The following PLCB1 variants were observed in gnomAD, a reference collection of about 807,000 sequenced individuals.
PLCB1 encodes 1-phosphatidylinositol 4,5-bisphosphate phosphodiesterase beta-1.
A neutral mutation model predicts 161.8 loss-of-function variants in PLCB1; 46 were observed. The observed-to-expected ratio is 0.28, with a 90% CI of 0.22 to 0.36. The LOEUF is 0.36. PLCB1 is among the 10% of genes least tolerant of loss of function. The probability of loss-of-function intolerance (pLI) is 1.00; values close to 1 mark genes in which losing one functional copy is unlikely to be tolerated. For synonymous variants in PLCB1, 517 were observed against 503.7 expected (o/e 1.03, Z -0.35); for missense variants, 1,016 against 1,472.5 (o/e 0.69, Z 5.07).
intron 3 of PLCB1, among the ~76,000 whole-genome samples, chr20:8,385,796 C>A (rs1987410404): frequency 6.6e-6 from 1 of 152,236 alleles, no homozygotes; most frequent in Admixed American, 6.5e-5. Flanking sequence ...GGTGGACCAC[C>A]ACACCACACT....
intron 3 of PLCB1, among the ~76,000 whole-genome samples, chr20:8,546,091 C>T (rs1353631808): frequency 1.2e-4 from 18 of 151,972 alleles, no homozygotes; most frequent in South Asian, 1.0e-3. Context: ...CCGAGGCGGA[C>T]GGATCACGAG....
intron 3 of PLCB1, among the ~76,000 whole-genome samples, chr20:8,419,624 T>TTAAGG (rs1979452294): frequency 6.6e-6 from 1 of 151,658 alleles, no homozygotes; most frequent in South Asian, 2.1e-4. Context: ...CTGAGCATGT[T>TTAAGG]TAAGGTGGGC....
intron 4 of PLCB1, among the ~76,000 whole-genome samples, chr20:8,632,043 T>TTTTGG (rs1332204651): frequency 1.3e-4 from 10 of 75,174 alleles, no homozygotes; most frequent in African/African-American, 4.2e-4. Context: ...TGCTTTTTTT[T>TTTTGG]TTTTTTTTTT....
At chr20:8,763,173 A>G (rs956375333) in intron 25 of PLCB1, among the ~76,000 whole-genome samples, 36 of 152,202 alleles carry the variant, frequency 2.4e-4, no homozygotes, top group African/African-American at 8.2e-4. Context: ...ACATTCTAGA[A>G]TTGATTGAAT....
intron 2 of PLCB1, among the ~76,000 whole-genome samples, chr20:8,217,373 A>G (rs1979189211): frequency 2.0e-5 from 3 of 152,108 alleles, no homozygotes; most frequent in Admixed American, 2.0e-4. Flanking sequence ...AAAACTCAAG[A>G]AGAAACCAAG....
intron 4 of PLCB1, among the ~76,000 whole-genome samples, chr20:8,629,817 T>TTTTCTTTC (rs752268619): frequency 1.8e-3 from 178 of 96,998 alleles, no homozygotes; most frequent in South Asian, 2.7e-3. Flanking sequence ...CTTTTCTTTC[T>TTTTCTTTC]TTTCTTTCTT....
intron 31 of PLCB1, among the ~76,000 whole-genome samples, chr20:8,791,484 A>G (rs1339089629): frequency 6.6e-6 from 1 of 152,222 alleles, no homozygotes; most frequent in African/African-American, 2.4e-5. Flanking sequence ...CTCAGGTGAT[A>G]TATTCAGATA....
chr20:8,186,382 G>T (rs566544029), intron 2 of PLCB1, among the ~76,000 whole-genome samples: 1 of 152,234 alleles, frequency 6.6e-6, no homozygotes, highest in East Asian at 1.9e-4. Flanking sequence ...CCTTGAAATT[G>T]ATGTTAATTG....
At position 8,658,589 on chromosome 20, in the gene PLCB1, C is replaced by G; in HGVS notation, c.747C>G (p.Ile249Met). The G allele has an allele frequency of 6.2e-7, 1 of 1,612,558 alleles. No individual in the cohort carries two copies. Among genetic ancestry groups the G allele is most frequent in the Non-Finnish European group, 8.5e-7 (1 of 1,179,196 alleles). Residue 249 changes from isoleucine (I) to methionine (M), a missense_variant, in exon 9 of 32, where the codon ATC becomes ATG. Ile to Met is a conservative substitution (Grantham distance 10, BLOSUM62 1). Around this residue, in one of 10 missense-constraint regions of PLCB1, gnomAD observed 117 missense variants for 142.2 expected, o/e 0.82. Coordinates refer to ENST00000338037, the MANE Select transcript of PLCB1 (RefSeq NM_015192.4). ...CCGTTGATCAGATGATGGATTTTAT[C>G]AACCTTAAGCAGCGAGATCCTCGGC... ...YLTVDQMMDF[I>M]NLKQRDPRLN...
chr20:8,426,370 C>G (rs1600392670), intron 3 of PLCB1, among the ~76,000 whole-genome samples: 1 of 152,174 alleles, frequency 6.6e-6, no homozygotes, highest in Admixed American at 6.5e-5. Context: ...TCGCAGAAAA[C>G]CGACCACGCG....
chr20:8,242,886 T>C (rs1980692964), intron 2 of PLCB1, among the ~76,000 whole-genome samples: 1 of 151,964 alleles, frequency 6.6e-6, no homozygotes, highest in South Asian at 2.1e-4. Flanking sequence ...ATGGGAATAA[T>C]GGCCATAAGG....
intron 3 of PLCB1, among the ~76,000 whole-genome samples, chr20:8,452,235 CT>C (rs201686766): frequency 0.015 from 2,261 of 152,240 alleles, 28 homozygotes; most frequent in Non-Finnish European, 0.023. Context: ...TTCCTTTTAA[CT>C]TTTTTTCAAT....
intron 31 of PLCB1, among the ~76,000 whole-genome samples, chr20:8,826,322 C>G (rs550945816): frequency 4.8e-4 from 73 of 151,878 alleles, no homozygotes; most frequent in African/African-American, 1.7e-3. Context: ...GGTGAAACCC[C>G]GTCTCTACTA....
chr20:8,733,168 C>A, intron 18 of PLCB1, 70 bp from the exon 19 acceptor site: 3 of 1,500,102 alleles, frequency 2.0e-6, no homozygotes, highest in Non-Finnish European at 1.8e-6. Context: ...ATCAACTTTA[C>A]TTTACAATCT....
intron 31 of PLCB1, among the ~76,000 whole-genome samples, chr20:8,796,726 C>G (rs1489031947): frequency 6.6e-6 from 1 of 152,182 alleles, no homozygotes; most frequent in Non-Finnish European, 1.5e-5. Flanking sequence ...CATGTTTACT[C>G]TCCTTCTGGG....
intron 31 of PLCB1, among the ~76,000 whole-genome samples, chr20:8,846,677 C>A (rs1986701812): frequency 6.6e-6 from 1 of 152,146 alleles, no homozygotes; most frequent in Non-Finnish European, 1.5e-5. Context: ...TTTCCCCTGG[C>A]TTGTATCATA....
intron 2 of PLCB1, among the ~76,000 whole-genome samples, chr20:8,358,950 A>T (rs1476640348): frequency 6.6e-6 from 1 of 152,206 alleles, no homozygotes; most frequent in Admixed American, 6.5e-5. Flanking sequence ...TTTAAGAATT[A>T]ACTTGTTTCT....
intron 15 of PLCB1, among the ~76,000 whole-genome samples, chr20:8,723,620 A>G (rs556044055): frequency 6.6e-6 from 1 of 152,314 alleles, no homozygotes; most frequent in South Asian, 2.1e-4. Flanking sequence ...GCTCCTTCAC[A>G]TAAATTAACT....
At chr20:8,856,947 G>T (rs984360656) in intron 31 of PLCB1, among the ~76,000 whole-genome samples, 1 of 152,296 alleles carries the variant, frequency 6.6e-6, no homozygotes, top group African/African-American at 2.4e-5. Flanking sequence ...AAGTTCTCCT[G>T]GTCTTAGTTG....
Sources: allele counts gnomAD v4.1 joint callset (sites outside exome capture counted in the v4.1 genomes callset), GRCh38; gene constraint gnomAD v4.1.1; regional missense constraint gnomAD v4.1.1; transcripts MANE v1.5; gene names NCBI Gene and HGNC (gene_info 2026-07-23, HGNC 2026-07-21).